CTNNA3: variants seen among roughly 807,000 people sequenced by gnomAD.
The protein encoded by CTNNA3 is catenin alpha 3.
In CTNNA3, 76 loss-of-function variants were observed where a neutral mutation model predicts 95.7. That is an observed-to-expected ratio of 0.79 (90% confidence interval 0.66 to 0.96). The LOEUF (loss-of-function observed/expected upper bound fraction) is 0.96. CTNNA3 is among the 40% of genes least tolerant of loss of function. CTNNA3 has a pLI of 0.00. For missense variants in CTNNA3, 1,191 were observed against 1,089.8 expected, an observed-to-expected ratio of 1.09 and a Z score of -1.31; for synonymous variants, 431 against 374.4, an observed-to-expected ratio of 1.15 and a Z score of -1.74.
chr10:66,913,921 T>C (rs939199738), intron 7 of CTNNA3, among the ~76,000 whole-genome samples: 1 of 152,132 alleles, frequency 6.6e-6, no homozygotes, highest in Non-Finnish European at 1.5e-5. Context: ...AGAATGTACA[T>C]GTTGAACTTG....
intron 7 of CTNNA3, among the ~76,000 whole-genome samples, chr10:67,060,086 C>T (rs1028197221): frequency 6.6e-5 from 10 of 151,962 alleles, no homozygotes; most frequent in Admixed American, 3.9e-4. Flanking sequence ...GATGCCAGGG[C>T]GGGTGGATCA....
chr10:67,099,550 T>C (rs1858213169), intron 7 of CTNNA3: 1 of 152,194 alleles, frequency 6.6e-6, no homozygotes, highest in African/African-American at 2.4e-5. Flanking sequence ...TTTATGCAGG[T>C]TTGTCACAGC....
At chr10:67,454,174 C>G (rs1435435325) in intron 5 of CTNNA3, among the ~76,000 whole-genome samples, 1 of 152,080 alleles carries the variant, frequency 6.6e-6, no homozygotes, top group African/African-American at 2.4e-5. Flanking sequence ...GGTTGCCTAT[C>G]CTTTAGTTTT....
At chr10:66,332,231 C>T (rs2092339340) in intron 12 of CTNNA3, among the ~76,000 whole-genome samples, 1 of 151,766 alleles carries the variant, frequency 6.6e-6, no homozygotes, top group Non-Finnish European at 1.5e-5. Context: ...ATTGAATACC[C>T]TTTATTTCCT....
At chr10:67,542,873 G>GA (rs911226935) in intron 3 of CTNNA3, among the ~76,000 whole-genome samples, 1 of 151,662 alleles carries the variant, frequency 6.6e-6, no homozygotes, top group Non-Finnish European at 1.5e-5. Context: ...TAATTAAATA[G>GA]AAAAAAAGGT....
At chr10:66,370,463 T>G (rs2092745573) in intron 12 of CTNNA3, among the ~76,000 whole-genome samples, 1 of 152,324 alleles carries the variant, frequency 6.6e-6, no homozygotes, top group African/African-American at 2.4e-5. Context: ...CATTTTACAG[T>G]AATTATCTTT....
At chr10:67,317,426 T>C (rs964844845) in intron 5 of CTNNA3, among the ~76,000 whole-genome samples, 3 of 81,928 alleles carry the variant, frequency 3.7e-5, no homozygotes, top group East Asian at 5.0e-4. Flanking sequence ...TGTGTTCTCA[T>C]TGTTCTTTTT....
chr10:66,047,331 A>T (rs1157832334), intron 15 of CTNNA3, among the ~76,000 whole-genome samples: 6 of 152,230 alleles, frequency 3.9e-5, no homozygotes, highest in Non-Finnish European at 7.3e-5. Flanking sequence ...CAACACACAC[A>T]AATCAATAAA....
chr10:66,035,073 A>G (rs754957226), intron 15 of CTNNA3, among the ~76,000 whole-genome samples: 12 of 152,120 alleles, frequency 7.9e-5, no homozygotes, highest in Non-Finnish European at 1.5e-4. Context: ...GCTATTTAAT[A>G]ACCAAATATT....
At chr10:67,690,875 CGTCTCT>C (rs1174203120) in intron 1 of CTNNA3, among the ~76,000 whole-genome samples, 6 of 152,090 alleles carry the variant, frequency 3.9e-5, no homozygotes, top group Non-Finnish European at 8.8e-5. Flanking sequence ...TCTCCCTCTC[CGTCTCT>C]GTCTCCCTCT....
At chr10:67,719,861 T>C (rs1019453361) in intron 1 of CTNNA3, among the ~76,000 whole-genome samples, 1 of 152,022 alleles carries the variant, frequency 6.6e-6, no homozygotes, top group African/African-American at 2.4e-5. Context: ...TCCTTGTTAA[T>C]TTTCTGTCTC....
In CTNNA3 at chr10:66,766,276, G is replaced by A; in HGVS notation, c.1269C>T (p.Ser423=). 1 of 1,613,722 alleles carries A rather than the reference G, an allele frequency of 6.2e-7. No homozygotes were observed. Among genetic ancestry groups the A allele is most frequent in the South Asian group, 1.1e-5 (1 of 91,062 alleles). The change falls in exon 9 of 18, where the codon AGC becomes AGT. Residue 423 remains serine, a synonymous_variant. Coordinates refer to ENST00000433211, the MANE Select transcript of CTNNA3 (RefSeq NM_013266.4). ...EYAAIFHEHT[S]RLVEVANLAC... ...CTAGCATGCTTACCTCTACAAGCCT[G>A]CTGGTGTGTTCATGAAATATCGCAG...
At chr10:67,726,251 T>C (rs1196758186) in intron 1 of CTNNA3, among the ~76,000 whole-genome samples, 1 of 96,552 alleles carries the variant, frequency 1.0e-5, no homozygotes, top group African/African-American at 4.6e-5. Flanking sequence ...ATATTATATA[T>C]AATATTGTAT....
At chr10:66,476,782 A>C (rs919022145) in intron 11 of CTNNA3, among the ~76,000 whole-genome samples, 6 of 152,088 alleles carry the variant, frequency 3.9e-5, no homozygotes, top group African/African-American at 1.4e-4. Context: ...AATCTTAAGC[A>C]TCCTTAGAAT....
At chr10:67,295,240 T>A (rs1206291343) in intron 5 of CTNNA3, among the ~76,000 whole-genome samples, 1 of 152,190 alleles carries the variant, frequency 6.6e-6, no homozygotes, top group Non-Finnish European at 1.5e-5. Context: ...ATTGTTCTCT[T>A]GAAATAAAAA....
At chr10:66,803,969 T>C (rs1447186736) in intron 7 of CTNNA3, among the ~76,000 whole-genome samples, 1 of 152,016 alleles carries the variant, frequency 6.6e-6, no homozygotes, top group Non-Finnish European at 1.5e-5. Flanking sequence ...TGTTTTTTTT[T>C]TTTTTAATTT....
intron 1 of CTNNA3, among the ~76,000 whole-genome samples, chr10:67,648,585 G>A (rs1019009532): frequency 3.3e-5 from 5 of 152,100 alleles, no homozygotes; most frequent in African/African-American, 1.2e-4. Flanking sequence ...TTTACTTTTT[G>A]AAAGATTTTG....
intron 13 of CTNNA3, among the ~76,000 whole-genome samples, chr10:66,192,833 A>G (rs183297351): frequency 6.6e-6 from 1 of 152,168 alleles, no homozygotes; most frequent in African/African-American, 2.4e-5. Flanking sequence ...CTATTTACTT[A>G]AAATTGTTAA....
chr10:66,280,551 C>T lies in CTNNA3; in HGVS notation c.1803G>A (p.Leu601=), dbSNP rs551887944. The change falls in exon 13 of 18, where the codon TTG becomes TTA. Residue 601 remains leucine (L), a synonymous_variant. Transcript: ENST00000433211. ...EALSKSSLNV[L]DDNQFVDISK... The stretch of plus-strand genomic sequence containing the variant: ...AGATGTCCACAAATTGATTATCATC[C>T]AACACATTCAATGAGCTTTTGCTTA... 5 of 1,609,210 alleles carry T rather than the reference C, an allele frequency of 3.1e-6. No individual in the cohort carries two copies. Among genetic ancestry groups the T allele is most frequent in the East Asian group, 4.5e-5 (2 of 44,686 alleles).
Sources: gnomAD v4.1 joint callset for allele counts (sites outside exome capture counted in the v4.1 genomes callset) on GRCh38, gnomAD v4.1.1 for gene constraint, MANE v1.5 for transcripts, NCBI Gene and HGNC (gene_info 2026-07-23, HGNC 2026-07-21) for gene names.